PRIM2: variants seen among roughly 807,000 people sequenced by gnomAD.
PRIM2 encodes DNA primase subunit 2.
Under a neutral mutation model 67.3 loss-of-function variants are expected in PRIM2, and 39 were observed. That is an observed-to-expected ratio of 0.58 (90% CI 0.45 to 0.76). The LOEUF (loss-of-function observed/expected upper bound fraction) is 0.76. Among genes scored for constraint, PRIM2 ranks in the 30% least tolerant of loss-of-function variants. The pLI is 0.00. For missense variants in PRIM2, 398 were observed against 598.7 expected, an observed-to-expected ratio of 0.66 and a Z score of 3.50; for synonymous variants, 143 against 198.7, an observed-to-expected ratio of 0.72 and a Z score of 2.36.
chr6:57,247,133 C>T, the PRIM2 span, among the ~76,000 whole-genome samples: 4 of 152,298 alleles, frequency 2.6e-5, no homozygotes, highest in Admixed American at 1.3e-4. Context: ...GGATTACAGG[C>T]GTGAGCCACA....
At chr6:57,360,611 T>A (rs1769164123) in intron 5 of PRIM2, among the ~76,000 whole-genome samples, 1 of 152,194 alleles carries the variant, frequency 6.6e-6, no homozygotes, top group African/African-American at 2.4e-5. Flanking sequence ...GTATCGTGGA[T>A]GAATACAAAC....
the PRIM2 span, among the ~76,000 whole-genome samples, chr6:57,256,737 CACACACAT>C: frequency 0.11 from 15,840 of 146,870 alleles, 1,232 homozygotes; most frequent in African/African-American, 0.25. Context: ...CACACACACA[CACACACAT>C]ACACTCTTAC....
chr6:57,309,823 A>C (rs1767349076), upstream of PRIM2, among the ~76,000 whole-genome samples: 7 of 152,168 alleles, frequency 4.6e-5, 1 homozygote, highest in South Asian at 1.5e-3. Context: ...CCTCTCTAGC[A>C]CCTGTTGTTT....
intron 10 of PRIM2, among the ~76,000 whole-genome samples, chr6:57,594,671 T>C (rs1251908306): frequency 6.6e-6 from 1 of 152,178 alleles, no homozygotes; most frequent in Non-Finnish European, 1.5e-5. Flanking sequence ...AAAAATTAAC[T>C]TGAGATGAAT....
At chr6:57,393,071 G>A (rs901218253) in intron 7 of PRIM2, among the ~76,000 whole-genome samples, 2 of 150,874 alleles carry the variant, frequency 1.3e-5, no homozygotes, top group African/African-American at 5.0e-5. Flanking sequence ...TGGGCATTTG[G>A]ATTGGTTCCA....
the PRIM2 span, among the ~76,000 whole-genome samples, chr6:57,277,587 G>A: frequency 6.6e-6 from 1 of 151,486 alleles, no homozygotes; most frequent in South Asian, 2.1e-4. Flanking sequence ...GAAGCCGGGG[G>A]GTGGTAGGGA....
At chr6:57,536,738 A>C (rs1162603805) in intron 9 of PRIM2, among the ~76,000 whole-genome samples, 1 of 152,222 alleles carries the variant, frequency 6.6e-6, no homozygotes, top group Non-Finnish European at 1.5e-5. Flanking sequence ...AAAACAATAC[A>C]TATTATATGA....
chr6:57,439,788 A>T (rs1027400386), intron 7 of PRIM2, among the ~76,000 whole-genome samples: 8 of 152,180 alleles, frequency 5.3e-5, no homozygotes, highest in African/African-American at 1.7e-4. Context: ...TTTAAAGCAC[A>T]TGCCCAAATT....
chr6:57,280,209 CAGAA>C, the PRIM2 span, among the ~76,000 whole-genome samples: 1 of 152,114 alleles, frequency 6.6e-6, no homozygotes, highest in Non-Finnish European at 1.5e-5. Flanking sequence ...TTGGAGGTGA[CAGAA>C]AGGCATAAAG....
At chr6:57,307,231 TA>T in the PRIM2 span, among the ~76,000 whole-genome samples, 6 of 142,546 alleles carry the variant, frequency 4.2e-5, no homozygotes, top group Non-Finnish European at 7.5e-5. Flanking sequence ...AAAAAAAAAA[TA>T]AAAAAATAAA....
chr6:57,364,737 T>C (rs1274622923), intron 5 of PRIM2, among the ~76,000 whole-genome samples: 1 of 152,066 alleles, frequency 6.6e-6, no homozygotes, highest in Non-Finnish European at 1.5e-5. Flanking sequence ...CCCTTGAGAC[T>C]GAAGATCTGA....
rs1437367243 is a variant in PRIM2 at position 57,602,680 on chromosome 6, A to G, written c.1147+1461A>G. ...TTAATTAGTTGGTTTTCATTAGCTT[A>G]AATGCAAAACTTTATTTCTGTTAAG... On this transcript the variant is annotated intron_variant, in intron 11 of 13. Transcript: ENST00000615550. Among the ~76,000 whole-genome samples the G allele has an allele frequency of 1.4e-3, 212 of 152,308 alleles. 5 individuals are homozygous for G. The East Asian group carries it at 0.019, about 14-fold the overall frequency.
intron 10 of PRIM2, among the ~76,000 whole-genome samples, chr6:57,543,933 T>C (rs1295559094): frequency 5.9e-5 from 9 of 152,366 alleles, no homozygotes; most frequent in Admixed American, 1.3e-4. Flanking sequence ...TTTTGTGTTA[T>C]AATGCACATA....
At chr6:57,423,659 G>C (rs1771531537) in intron 7 of PRIM2, among the ~76,000 whole-genome samples, 1 of 152,200 alleles carries the variant, frequency 6.6e-6, no homozygotes, top group Admixed American at 6.5e-5. Context: ...AGGAATTTAT[G>C]GTGAAGTAGC....
chr6:57,541,576 A>G (rs1315969989), intron 10 of PRIM2, among the ~76,000 whole-genome samples: 1 of 152,176 alleles, frequency 6.6e-6, no homozygotes, highest in Non-Finnish European at 1.5e-5. Flanking sequence ...AAAGTTATAC[A>G]TGGATTTTAA....
chr6:57,244,898 G>A, the PRIM2 span, among the ~76,000 whole-genome samples: 3 of 152,070 alleles, frequency 2.0e-5, no homozygotes, highest in South Asian at 2.1e-4. Flanking sequence ...CTTTTATTTC[G>A]TATTAATTAT....
chr6:57,587,533 G>A (rs1251475144), intron 10 of PRIM2, among the ~76,000 whole-genome samples: 5 of 151,812 alleles, frequency 3.3e-5, no homozygotes, highest in East Asian at 3.9e-4. Flanking sequence ...GCGTGGTGGC[G>A]GATGCCTGTA....
At chr6:57,432,447 A>G (rs1179573070) in intron 7 of PRIM2, among the ~76,000 whole-genome samples, 1 of 152,176 alleles carries the variant, frequency 6.6e-6, no homozygotes, top group South Asian at 2.1e-4. Context: ...ATTAAACCTA[A>G]AAAGAGTGGA....
At position 57,614,083 on chromosome 6, in the gene PRIM2, C is replaced by T. The variant is rs1233551983; in HGVS notation, c.1230+7626C>T. 2.0e-5 allele frequency among the ~76,000 whole-genome samples: 3 copies of T among 152,186 alleles called. No homozygotes were observed. The East Asian group carries it at 5.8e-4, about 29-fold the overall frequency. ...GTACTTGTCCATGGCCTGTTAGGAA[C>T]AGCAGGAGGTGAGCCAGGGCAAGCA... On this transcript the variant is annotated intron_variant, in intron 12 of 13. Transcript: ENST00000615550.
Sources: allele counts gnomAD v4.1 joint callset (sites outside exome capture counted in the v4.1 genomes callset), GRCh38; gene constraint gnomAD v4.1.1; transcripts MANE v1.5; gene names NCBI Gene and HGNC (gene_info 2026-07-23, HGNC 2026-07-21).